The following SNX6 variants were observed in gnomAD, a reference collection of about 807,000 sequenced individuals.
The protein encoded by SNX6 is sorting nexin 6, also known as sorting nexin-6.
In SNX6, 34 loss-of-function variants were observed where a neutral mutation model predicts 63.0. The ratio of observed to expected loss-of-function variants is 0.54; its 90% CI spans 0.41 to 0.72. SNX6 has a LOEUF of 0.72. Ranked by LOEUF, SNX6 falls within the 30% of genes least tolerant of loss-of-function variation. The pLI, the probability that SNX6 is intolerant of heterozygous loss-of-function variation, is 0.00. For missense variants in SNX6, 398 were observed against 471.4 expected, an observed-to-expected ratio of 0.84 and a Z score of 1.44; for synonymous variants, 170 against 164.2, an observed-to-expected ratio of 1.04 and a Z score of -0.27.
chr14:34,615,987 C>T (rs1184780842), intron 2 of SNX6, among the ~76,000 whole-genome samples: 3 of 151,922 alleles, frequency 2.0e-5, no homozygotes, highest in Non-Finnish European at 4.4e-5. Context: ...GGCAGAGTCC[C>T]GCCCTGTCAC....
chr14:34,607,635 C>T (rs947487321), intron 4 of SNX6, among the ~76,000 whole-genome samples: 2 of 150,908 alleles, frequency 1.3e-5, no homozygotes, highest in African/African-American at 2.4e-5. Context: ...GGGCCGGGCA[C>T]GGTGGCTCAC....
At chr14:34,619,124 T>C (rs754183381) in intron 2 of SNX6, among the ~76,000 whole-genome samples, 5 of 152,072 alleles carry the variant, frequency 3.3e-5, no homozygotes, top group African/African-American at 1.2e-4. Context: ...AACCCCATGA[T>C]AGAAGTAAAA....
At chr14:34,601,631 G>A (rs2138339512) in intron 6 of SNX6, among the ~76,000 whole-genome samples, 1 of 151,534 alleles carries the variant, frequency 6.6e-6, no homozygotes, top group Non-Finnish European at 1.5e-5. Flanking sequence ...TTTCAGTCTT[G>A]TCCCCCAGGC....
chr14:34,570,304 A>C (rs1419585072), intron 11 of SNX6, among the ~76,000 whole-genome samples: 1 of 151,538 alleles, frequency 6.6e-6, no homozygotes, highest in Non-Finnish European at 1.5e-5. Context: ...GACCTCAAGT[A>C]ATCTGCCCAC....
chr14:34,618,076 G>A (rs752617163), intron 2 of SNX6, among the ~76,000 whole-genome samples: 2 of 152,118 alleles, frequency 1.3e-5, no homozygotes, highest in Non-Finnish European at 2.9e-5. Context: ...ATGGGATGGG[G>A]CAAAGAGGAA....
chr14:34,576,016 T>G (rs911982150), intron 10 of SNX6, among the ~76,000 whole-genome samples, 174 bp from the exon 11 acceptor site: 1 of 149,996 alleles, frequency 6.7e-6, no homozygotes. Flanking sequence ...CTCCGCCTCC[T>G]GGGTTCACGC....
chr14:34,582,581 C>T (rs916494828), intron 9 of SNX6, among the ~76,000 whole-genome samples: 9 of 151,850 alleles, frequency 5.9e-5, no homozygotes, highest in African/African-American at 9.7e-5. Context: ...GACTGAATCT[C>T]GCTTTCTTGC....
At chr14:34,581,402 T>C (rs993179041) in intron 10 of SNX6, among the ~76,000 whole-genome samples, 159 bp downstream of exon 10, 2 of 152,214 alleles carry the variant, frequency 1.3e-5, no homozygotes, top group African/African-American at 4.8e-5. Flanking sequence ...TCCGCCCCAC[T>C]TGGCCTCCCA....
intron 2 of SNX6, chr14:34,629,410 G>C (rs779733457): frequency 9.9e-5 from 45 of 452,900 alleles, no homozygotes; most frequent in Non-Finnish European, 1.9e-4. Context: ...GACAGGAGTT[G>C]ATTCGGCTAC....
At position 34,581,537 on chromosome 14, in the gene SNX6, A is replaced by G. The variant is rs200453327; in HGVS notation, c.834+24T>C. 49 of 1,302,664 alleles carry G rather than the reference A, an allele frequency of 3.8e-5. No individual in the cohort carries two copies. The African/African-American group carries it at 5.5e-4, about 15-fold the overall frequency. 80.7% of individuals were successfully genotyped at this position (1,302,664 alleles called of 1,614,324 possible). On this transcript the variant is annotated intron_variant, in intron 10 of 13. Coordinates refer to ENST00000362031, the MANE Select transcript of SNX6 (RefSeq NM_152233.4). ...CTCTCTGGGCACAATATTATGCAGT[A>G]TATCTCTATAATTTAGTACTTACTC...
At chr14:34,570,451 G>A (rs1245585475) in intron 11 of SNX6, among the ~76,000 whole-genome samples, 1 of 147,734 alleles carries the variant, frequency 6.8e-6, no homozygotes, top group Non-Finnish European at 1.5e-5. Flanking sequence ...AGACTGAGTC[G>A]TGCTCTGTCA....
chr14:34,622,881 A>T (rs1438199274), intron 2 of SNX6, among the ~76,000 whole-genome samples: 2 of 152,246 alleles, frequency 1.3e-5, no homozygotes, highest in African/African-American at 4.8e-5. Flanking sequence ...AATAGGAATA[A>T]CAGTAGGTGT....
intron 9 of SNX6, among the ~76,000 whole-genome samples, chr14:34,582,265 G>A (rs1881971403): frequency 1.3e-5 from 2 of 151,802 alleles, no homozygotes; most frequent in East Asian, 3.9e-4. Context: ...CTGAGTAGCT[G>A]GGATTACAGG....
chr14:34,597,341 T>C (rs969961579), intron 7 of SNX6, among the ~76,000 whole-genome samples: 2 of 152,120 alleles, frequency 1.3e-5, no homozygotes, highest in Admixed American at 6.6e-5. Context: ...GTTGGGCAAA[T>C]TCCCTTGGCT....
At chr14:34,567,021 G>C (rs1372438689) in intron 13 of SNX6, among the ~76,000 whole-genome samples, 4 of 152,010 alleles carry the variant, frequency 2.6e-5, no homozygotes, top group South Asian at 2.1e-4. Flanking sequence ...TCAGGAGTTC[G>C]AGACCAGTCT....
chr14:34,604,915 C>T (rs567871884), intron 5 of SNX6, among the ~76,000 whole-genome samples: 1 of 151,768 alleles, frequency 6.6e-6, no homozygotes, highest in South Asian at 2.1e-4. Context: ...AAGTGATACT[C>T]AACCTGTACA....
rs1233290745 is a variant in SNX6, at chr14:34,576,168, G to A, written c.835-326C>T. Among the ~76,000 whole-genome samples, 4 of 151,446 alleles carry A rather than the reference G, an allele frequency of 2.6e-5. No individual in the cohort carries two copies. In the East Asian group the frequency reaches 7.8e-4, roughly 29 times the overall value. ...TCTCAATCTCCTGACCTCGTGATCT[G>A]CCCGCCTCAGCCTCTCAAAGTGTTG... On this transcript the variant is annotated intron_variant, in intron 10 of 13. Transcript: ENST00000362031.
Position 34,605,644 on chromosome 14 carries a change from C to G in SNX6, c.344G>C (p.Gly115Ala). The G allele has an allele frequency of 3.1e-6, 5 of 1,609,956 alleles. No homozygotes were observed. Among genetic ancestry groups the G allele is most frequent in the Non-Finnish European group, 4.2e-6 (5 of 1,178,354 alleles). Residue 115 changes from glycine (G) to alanine (A), a missense_variant, in exon 5 of 14, where the codon GGG (glycine) becomes GCG (alanine). By Grantham distance (60) the Gly-to-Ala change is moderately conservative. Transcript: ENST00000362031. ...TGTGAATTCTTCCTTCGTCATTGAC[C>G]CTTCTCCTTCACCAAGCTTCTGTAG... ...EKLQKLGEGE[G>A]SMTKEEFTKM...
intron 2 of SNX6, among the ~76,000 whole-genome samples, chr14:34,623,955 T>C (rs1178598987): frequency 1.3e-5 from 2 of 152,168 alleles, no homozygotes; most frequent in Admixed American, 6.6e-5. Flanking sequence ...AAGGGCTCAT[T>C]TGTGTACTAA....
Sources: gnomAD v4.1 joint callset for allele counts (sites outside exome capture counted in the v4.1 genomes callset) on GRCh38, gnomAD v4.1.1 for gene constraint, MANE v1.5 for transcripts, NCBI Gene and HGNC (gene_info 2026-07-23, HGNC 2026-07-21) for gene names.